Variants in NCAM1 observed in about 807,000 individuals in gnomAD.
NCAM1 encodes the protein neural cell adhesion molecule 1.
In NCAM1, 14 loss-of-function variants were observed where a neutral mutation model predicts 109.8. The observed-to-expected ratio is 0.13, with a 90% CI of 0.08 to 0.20. NCAM1 has a LOEUF of 0.20. NCAM1 is among the 10% of genes least tolerant of loss of function. The pLI is 1.00. For synonymous variants in NCAM1, 418 were observed against 442.9 expected (o/e 0.94, Z 0.70); for missense variants, 774 against 1,109.9 (o/e 0.70, Z 4.30).
intron 1 of NCAM1, among the ~76,000 whole-genome samples, chr11:113,158,577 C>G (rs1942496157): frequency 6.6e-6 from 1 of 152,222 alleles, no homozygotes; most frequent in Non-Finnish European, 1.5e-5. Flanking sequence ...ATCTTTGTTG[C>G]TCCTGTAATA....
chr11:113,005,752 T>A (rs953620978), intron 1 of NCAM1, among the ~76,000 whole-genome samples: 5 of 152,224 alleles, frequency 3.3e-5, no homozygotes, highest in African/African-American at 1.2e-4. Context: ...GTCTCCAGCC[T>A]GATTTTCTAG....
At chr11:113,250,078 CA>C in intron 15 of NCAM1, among the ~76,000 whole-genome samples, 1 of 152,298 alleles carries the variant, frequency 6.6e-6, no homozygotes, top group East Asian at 1.9e-4. Context: ...CAGGCACAAG[CA>C]AGGCCTTAAA....
chr11:113,029,599 T>C (rs1213203452), intron 1 of NCAM1, among the ~76,000 whole-genome samples: 1 of 152,192 alleles, frequency 6.6e-6, no homozygotes, highest in African/African-American at 2.4e-5. Context: ...TCAGGGCTCC[T>C]GGAGGGTGGA....
intron 15 of NCAM1, among the ~76,000 whole-genome samples, chr11:113,247,254 T>A (rs1945524508): frequency 6.6e-6 from 1 of 152,096 alleles, no homozygotes; most frequent in African/African-American, 2.4e-5. Context: ...GCCCTTTGAG[T>A]CATATGCATT....
chr11:113,198,991 G>A (rs2574823), intron 1 of NCAM1, among the ~76,000 whole-genome samples: 1 of 151,892 alleles, frequency 6.6e-6, no homozygotes, highest in Non-Finnish European at 1.5e-5. Context: ...ACAAAAGAGG[G>A]CTTGGGGGAT....
At chr11:113,082,194 A>G (rs1401470058) in intron 1 of NCAM1, among the ~76,000 whole-genome samples, 6 of 152,338 alleles carry the variant, frequency 3.9e-5, no homozygotes, top group Admixed American at 6.5e-5. Context: ...ATGGCCAGTT[A>G]TAATTGATAA....
intron 15 of NCAM1, among the ~76,000 whole-genome samples, chr11:113,253,042 C>A (rs1945733308): frequency 6.6e-6 from 1 of 151,928 alleles, no homozygotes; most frequent in Non-Finnish European, 1.5e-5. Flanking sequence ...TAAAATGATA[C>A]AAATTATAGT....
intron 1 of NCAM1, among the ~76,000 whole-genome samples, chr11:113,123,381 T>G (rs1368254695): frequency 6.6e-6 from 1 of 152,168 alleles, no homozygotes; most frequent in Non-Finnish European, 1.5e-5. Flanking sequence ...AGACTTGGAT[T>G]GGGGAGGGGG....
chr11:113,126,095 T>G (rs1941163392), intron 1 of NCAM1, among the ~76,000 whole-genome samples: 1 of 150,992 alleles, frequency 6.6e-6, no homozygotes, highest in South Asian at 2.1e-4. Flanking sequence ...AGGCAGAGAT[T>G]GCAGGGAGCC....
rs1940233316 is a variant in NCAM1 at position 113,107,642 on chromosome 11, C to T, written c.53-94737C>T. Among the ~76,000 whole-genome samples the T allele has an allele frequency of 2.0e-5, 3 of 152,076 alleles. No homozygotes were observed. The South Asian group carries it at 6.2e-4, about 32-fold the overall frequency. ...AGAAAGGGGTTTCCCCTTATAAAAC[C>T]ATCAGATCTCGTGAGACTTTCATTA... On this transcript the variant is annotated intron_variant, in intron 1 of 19. Transcript: ENST00000316851.
intron 9 of NCAM1, among the ~76,000 whole-genome samples, chr11:113,230,200 C>T (rs1156629987): frequency 6.6e-6 from 1 of 152,122 alleles, no homozygotes; most frequent in African/African-American, 2.4e-5. Context: ...TGAAGTGTTC[C>T]ACACCTGTTT....
At chr11:113,253,786 C>T (rs1945762479) in intron 15 of NCAM1, among the ~76,000 whole-genome samples, 1 of 152,182 alleles carries the variant, frequency 6.6e-6, no homozygotes, top group African/African-American at 2.4e-5. Flanking sequence ...GTAGACCATT[C>T]AGCACAGAGT....
chr11:113,255,560 C>A (rs74975099), intron 15 of NCAM1, among the ~76,000 whole-genome samples: 64 of 136,568 alleles, frequency 4.7e-4, no homozygotes, highest in Non-Finnish European at 8.1e-4. Context: ...AGTTGTAAGA[C>A]CAGCTAAAAG....
chr11:112,967,975 A>G (rs1555065920), intron 1 of NCAM1, among the ~76,000 whole-genome samples: 2 of 152,190 alleles, frequency 1.3e-5, no homozygotes, highest in South Asian at 2.1e-4. Flanking sequence ...ATGAGAACAC[A>G]TTGCCAAGTC....
intron 1 of NCAM1, among the ~76,000 whole-genome samples, chr11:113,181,657 C>T (rs782808014): frequency 3.3e-5 from 5 of 151,944 alleles, no homozygotes; most frequent in African/African-American, 1.2e-4. Context: ...ACGTCCTGCA[C>T]GTGTACCCTG....
At chr11:113,021,254 G>A (rs1302065606) in intron 1 of NCAM1, among the ~76,000 whole-genome samples, 1 of 152,182 alleles carries the variant, frequency 6.6e-6, no homozygotes, top group African/African-American at 2.4e-5. Flanking sequence ...AGGATCATGA[G>A]TTAGCATGCT....
chr11:113,096,942 G>A (rs1467022388), intron 1 of NCAM1, among the ~76,000 whole-genome samples: 1 of 152,056 alleles, frequency 6.6e-6, no homozygotes, highest in Non-Finnish European at 1.5e-5. Flanking sequence ...TTACACAGCA[G>A]GCACTACTCC....
At chr11:113,236,334 C>T (rs782168680) in intron 14 of NCAM1, 2 of 1,610,956 alleles carry the variant, frequency 1.2e-6, no homozygotes, top group Non-Finnish European at 1.7e-6. Flanking sequence ...CTCTTCATAC[C>T]TCATTACCTG....
intron 1 of NCAM1, among the ~76,000 whole-genome samples, chr11:113,098,677 T>C (rs1939721434): frequency 6.6e-6 from 1 of 152,178 alleles, no homozygotes; most frequent in Non-Finnish European, 1.5e-5. Flanking sequence ...TAAGGACTCC[T>C]TGAGGAGGGA....
Sources: gnomAD v4.1 joint callset for allele counts (sites outside exome capture counted in the v4.1 genomes callset) on GRCh38, gnomAD v4.1.1 for gene constraint, MANE v1.5 for transcripts, NCBI Gene and HGNC (gene_info 2026-07-23, HGNC 2026-07-21) for gene names.